Variants in TMTC2 observed in about 807,000 individuals in gnomAD.
TMTC2 encodes transmembrane O-mannosyltransferase targeting cadherins 2.
A neutral mutation model predicts 82.4 loss-of-function variants in TMTC2; 43 were observed. That is an observed-to-expected ratio of 0.52 (90% confidence interval 0.41 to 0.67). TMTC2 has a LOEUF of 0.67. Ranked by LOEUF, TMTC2 falls within the 30% of genes least tolerant of loss-of-function variation. TMTC2 has a pLI of 0.00. For missense variants in TMTC2, 919 were observed against 1,012.4 expected, an observed-to-expected ratio of 0.91 and a Z score of 1.25; for synonymous variants, 408 against 381.9, an observed-to-expected ratio of 1.07 and a Z score of -0.80.
intron 11 of TMTC2, among the ~76,000 whole-genome samples, chr12:83,076,758 A>G (rs996336804): frequency 1.1e-4 from 17 of 152,168 alleles, no homozygotes; most frequent in African/African-American, 3.9e-4. Flanking sequence ...TTACATGTCT[A>G]AGTCTTTGTT....
chr12:82,863,271 C>T (rs190877695), intron 2 of TMTC2, among the ~76,000 whole-genome samples: 3 of 152,234 alleles, frequency 2.0e-5, no homozygotes, highest in Admixed American at 2.0e-4. Flanking sequence ...ACTTTTATGA[C>T]CCCCTTTCCT....
At chr12:83,110,728 C>T (rs1441376084) in intron 11 of TMTC2, among the ~76,000 whole-genome samples, 1 of 152,190 alleles carries the variant, frequency 6.6e-6, no homozygotes, top group Admixed American at 6.5e-5. Flanking sequence ...TTGTGGTTTA[C>T]CCACTTGGCT....
At chr12:83,062,344 T>A (rs1387849226) in intron 11 of TMTC2, among the ~76,000 whole-genome samples, 1 of 151,774 alleles carries the variant, frequency 6.6e-6, no homozygotes, top group Non-Finnish European at 1.5e-5. Flanking sequence ...TTCTATAAAG[T>A]AAGATGGATA....
At chr12:83,114,469 C>T (rs1375822842) in intron 11 of TMTC2, among the ~76,000 whole-genome samples, 6 of 152,132 alleles carry the variant, frequency 3.9e-5, no homozygotes, top group African/African-American at 1.4e-4. Context: ...GTTACAGCAG[C>T]CTGAACTGAC....
At chr12:82,763,795 T>C (rs1876787608) in intron 1 of TMTC2, among the ~76,000 whole-genome samples, 1 of 152,196 alleles carries the variant, frequency 6.6e-6, no homozygotes, top group Non-Finnish European at 1.5e-5. Flanking sequence ...TATGGTTACA[T>C]AGATAAATTC....
intron 1 of TMTC2, among the ~76,000 whole-genome samples, chr12:82,814,234 A>C (rs1309049584): frequency 6.6e-6 from 1 of 152,132 alleles, no homozygotes; most frequent in African/African-American, 2.4e-5. Flanking sequence ...TAAGGGAAAA[A>C]ATTTGTTTTT....
chr12:82,933,925 A>G (rs1876175319), intron 4 of TMTC2, among the ~76,000 whole-genome samples: 4 of 152,332 alleles, frequency 2.6e-5, no homozygotes, highest in African/African-American at 9.6e-5. Flanking sequence ...AGCTTTTTTC[A>G]GGAATGAAAT....
intron 1 of TMTC2, among the ~76,000 whole-genome samples, chr12:82,739,016 C>T (rs1026275845): frequency 2.6e-5 from 4 of 151,574 alleles, no homozygotes; most frequent in South Asian, 2.1e-4. Context: ...GGTGTGGTGG[C>T]GCACACCTGT....
At chr12:82,850,798 G>T (rs1870934606) in intron 1 of TMTC2, among the ~76,000 whole-genome samples, 2 of 152,132 alleles carry the variant, frequency 1.3e-5, no homozygotes, top group Middle Eastern at 3.2e-3. Flanking sequence ...GGGCACAGTG[G>T]CTCACGCCTG....
At chr12:82,869,687 A>T (rs2137134174) in intron 2 of TMTC2, among the ~76,000 whole-genome samples, 1 of 151,990 alleles carries the variant, frequency 6.6e-6, no homozygotes, top group Middle Eastern at 3.4e-3. Flanking sequence ...ATAAATACAA[A>T]AATTAGCAGC....
chr12:82,837,131 A>G (rs1481980230), intron 1 of TMTC2, among the ~76,000 whole-genome samples: 2 of 152,216 alleles, frequency 1.3e-5, no homozygotes, highest in Non-Finnish European at 2.9e-5. Flanking sequence ...TCATTGAGAT[A>G]TGATTTGGAC....
chr12:83,051,194 C>T (rs978274795), intron 10 of TMTC2, among the ~76,000 whole-genome samples, 176 bp downstream of exon 10: 1 of 152,142 alleles, frequency 6.6e-6, no homozygotes. Flanking sequence ...CTTATCCAGC[C>T]GGTGGCCCAC....
At chr12:82,837,891 G>C (rs1431954006) in intron 1 of TMTC2, among the ~76,000 whole-genome samples, 2 of 152,174 alleles carry the variant, frequency 1.3e-5, no homozygotes, top group East Asian at 1.9e-4. Context: ...CATGTTTGGA[G>C]ATTATAGAGT....
chr12:82,861,373 A>G (rs1006298398), intron 2 of TMTC2, among the ~76,000 whole-genome samples: 7 of 152,124 alleles, frequency 4.6e-5, no homozygotes, highest in Non-Finnish European at 1.0e-4. Context: ...CTTCCAAACC[A>G]TTTACGGAAT....
chr12:83,123,708 C>T (rs913630180), intron 11 of TMTC2, among the ~76,000 whole-genome samples: 4 of 152,108 alleles, frequency 2.6e-5, no homozygotes, highest in Non-Finnish European at 5.9e-5. Flanking sequence ...TCTATTGGGG[C>T]GACTCTTCAC....
intron 2 of TMTC2, among the ~76,000 whole-genome samples, chr12:82,894,430 T>C: frequency 6.6e-6 from 1 of 152,214 alleles, no homozygotes; most frequent in East Asian, 1.9e-4. Context: ...ATTGTTTTCA[T>C]AGAAGTTGTA....
At chr12:82,980,759 C>T (rs1387546351) in intron 7 of TMTC2, among the ~76,000 whole-genome samples, 1 of 151,864 alleles carries the variant, frequency 6.6e-6, no homozygotes, top group African/African-American at 2.4e-5. Context: ...GTCCGCATGT[C>T]AGTCACGTAC....
chr12:82,858,106 A>C (rs2137117175), intron 2 of TMTC2, among the ~76,000 whole-genome samples: 1 of 152,352 alleles, frequency 6.6e-6, no homozygotes, highest in African/African-American at 2.4e-5. Flanking sequence ...ATAGTGCATA[A>C]GAATAGAAAA....
intron 11 of TMTC2, among the ~76,000 whole-genome samples, chr12:83,078,449 T>G (rs1057138851): frequency 3.9e-5 from 6 of 152,314 alleles, no homozygotes; most frequent in South Asian, 2.1e-4. Flanking sequence ...TCATGTTTGA[T>G]AAGCCTGAGA....
Sources: allele counts gnomAD v4.1 joint callset (sites outside exome capture counted in the v4.1 genomes callset), GRCh38; gene constraint gnomAD v4.1.1; transcripts MANE v1.5; gene names NCBI Gene and HGNC (gene_info 2026-07-23, HGNC 2026-07-21).